CLEC16A: variants seen among roughly 807,000 people sequenced by gnomAD.
The protein encoded by CLEC16A is protein CLEC16A.
A neutral mutation model predicts 109.5 loss-of-function variants in CLEC16A; 51 were observed. The observed-to-expected ratio is 0.47, with a 90% CI of 0.37 to 0.59. The LOEUF is 0.59. CLEC16A is among the 20% of genes least tolerant of loss of function. The pLI is 0.00. For synonymous variants in CLEC16A, 673 were observed against 564.2 expected (o/e 1.19, Z -2.73); for missense variants, 1,339 against 1,394.0 (o/e 0.96, Z 0.63).
At chr16:11,013,519 C>A (rs951110697) in intron 11 of CLEC16A, among the ~76,000 whole-genome samples, 3 of 152,262 alleles carry the variant, frequency 2.0e-5, no homozygotes, top group Admixed American at 2.0e-4. Flanking sequence ...AATCCCAGAA[C>A]TTTGGGAGGC....
At chr16:10,979,292 C>G in intron 8 of CLEC16A, 37 bp from the exon 9 acceptor site, 1 of 1,578,620 alleles carries the variant, frequency 6.3e-7, no homozygotes, top group East Asian at 2.3e-5. Context: ...CTTGTGTGAC[C>G]TGATCTCTCT....
intron 19 of CLEC16A, among the ~76,000 whole-genome samples, chr16:11,104,816 C>T (rs1203412433): frequency 5.9e-5 from 9 of 152,116 alleles, no homozygotes; most frequent in Admixed American, 1.3e-4. Context: ...GCCCAGTACC[C>T]GACACACAGT....
chr16:10,984,830 C>T (rs1050052927), intron 10 of CLEC16A, among the ~76,000 whole-genome samples: 2 of 152,312 alleles, frequency 1.3e-5, no homozygotes, highest in East Asian at 1.9e-4. Context: ...CACCTGGTCT[C>T]GGGCAGGTTG....
intron 22 of CLEC16A, among the ~76,000 whole-genome samples, chr16:11,138,263 C>T (rs2053662345): frequency 1.3e-5 from 2 of 152,198 alleles, no homozygotes; most frequent in South Asian, 4.1e-4. Context: ...GTGAGCAAGT[C>T]TTGCCAGCTA....
intron 22 of CLEC16A, among the ~76,000 whole-genome samples, chr16:11,135,726 G>A (rs2053520465): frequency 6.6e-6 from 1 of 152,230 alleles, no homozygotes; most frequent in Non-Finnish European, 1.5e-5. Flanking sequence ...CATTTGACCT[G>A]GGCCATGCCT....
At chr16:10,997,260 C>T (rs1317753569) in intron 10 of CLEC16A, among the ~76,000 whole-genome samples, 1 of 152,222 alleles carries the variant, frequency 6.6e-6, no homozygotes, top group Non-Finnish European at 1.5e-5. Context: ...CTGCGCCCAG[C>T]CTGGGAAAGT....
intron 18 of CLEC16A, among the ~76,000 whole-genome samples, chr16:11,052,178 C>T (rs757665580): frequency 1.3e-5 from 2 of 152,042 alleles, no homozygotes; most frequent in Admixed American, 1.3e-4. Flanking sequence ...CCTTTTTTTC[C>T]GAAGCAGGTA....
At chr16:11,087,993 G>A (rs1018835247) in intron 19 of CLEC16A, among the ~76,000 whole-genome samples, 3 of 152,246 alleles carry the variant, frequency 2.0e-5, no homozygotes, top group Admixed American at 2.0e-4. Context: ...TGAAGCCTCT[G>A]CAGCCTGAGA....
intron 12 of CLEC16A, 70 bp from the exon 13 acceptor site, chr16:11,024,751 G>A: frequency 8.3e-7 from 1 of 1,199,982 alleles, no homozygotes. Flanking sequence ...CACCCCATGT[G>A]CAGGTTAGAG....
chr16:10,997,960 ATGTT>A (rs1227416479), intron 10 of CLEC16A, among the ~76,000 whole-genome samples: 1 of 152,164 alleles, frequency 6.6e-6, no homozygotes, highest in South Asian at 2.1e-4. Flanking sequence ...CTGGTGGAAC[ATGTT>A]TGTTTGACAT....
At position 11,043,070 on chromosome 16, in the gene CLEC16A, GTA is replaced by G. The variant is rs1167295742; in HGVS notation, c.1770+716_1770+717del. 2.6e-3 allele frequency among the ~76,000 whole-genome samples: 349 copies of G among 132,842 alleles called. 1 individual carries two copies. The highest frequency in any genetic ancestry group is 0.012 in the African/African-American group (323 of 27,176). 87.1% of individuals were successfully genotyped at this position (132,842 alleles called of 152,430 possible). Reference sequence around the variant, plus strand: ...TTTATAAGTGTGTATATATGTTTGTGTATATATATACACACACACACACACAT... The same window carrying G: ...TTTATAAGTGTGTATATATGTTTGTGTATATATACACACACACACACACAT... On this transcript the variant is annotated intron_variant, in intron 15 of 23. Transcript: ENST00000409790.
intron 1 of CLEC16A, among the ~76,000 whole-genome samples, chr16:10,945,902 G>A (rs1036780388): frequency 1.3e-5 from 2 of 152,058 alleles, no homozygotes; most frequent in Non-Finnish European, 2.9e-5. Flanking sequence ...GGCACTTCAC[G>A]AGGGCACAGA....
Position 11,061,041 on chromosome 16 carries a change from G to T in CLEC16A, c.2116+19G>T. On this transcript the variant is annotated intron_variant, in intron 19 of 23. Coordinates refer to ENST00000409790, the MANE Select transcript of CLEC16A (RefSeq NM_015226.3). ...GATCTGAGTGAGTTGGCTGCTCTGAGTCACAGCAGGGGGCTGGGGGACATG... is the reference window on the plus strand; with the variant it reads ...GATCTGAGTGAGTTGGCTGCTCTGATTCACAGCAGGGGGCTGGGGGACATG... 6.3e-7 allele frequency: 1 copy of T among 1,593,984 alleles called. No homozygotes were observed.
In CLEC16A at chr16:10,957,783, T is replaced by C; in HGVS notation, c.82T>C (p.Tyr28His). The C allele has an allele frequency of 6.2e-7, 1 of 1,613,930 alleles. No individual in the cohort carries two copies. ...RNIHSLDHLK[Y>H]LYHVLTKNTT... ...TTCCTTTTCTCTCATTTCTCTCAGG[T>C]ATCTGTACCACGTTTTGACCAAAAA... The change falls in exon 2 of 24, where the codon TAT (tyrosine) becomes CAT (histidine). Residue 28 changes from tyrosine (Y) to histidine (H), a missense_variant and splice_region_variant. Tyr to His is a moderately conservative substitution (Grantham distance 83). Around this residue, in one of 3 missense-constraint regions of CLEC16A, gnomAD observed 117 missense variants for 120.2 expected, o/e 0.97. Transcript: ENST00000409790.
intron 10 of CLEC16A, among the ~76,000 whole-genome samples, chr16:11,000,292 C>T (rs2044593024): frequency 6.6e-6 from 1 of 152,222 alleles, no homozygotes; most frequent in South Asian, 2.1e-4. Flanking sequence ...CTTTATTTCA[C>T]TTCGTCAGTT....
intron 3 of CLEC16A, among the ~76,000 whole-genome samples, chr16:10,963,671 C>T (rs374262128): frequency 9.8e-5 from 15 of 152,314 alleles, no homozygotes; most frequent in East Asian, 1.9e-4. Flanking sequence ...TTTCGTCATC[C>T]GTAATAACCA....
At chr16:11,039,114 C>T (rs1490132774) in intron 13 of CLEC16A, among the ~76,000 whole-genome samples, 2 of 152,138 alleles carry the variant, frequency 1.3e-5, no homozygotes, top group African/African-American at 2.4e-5. Flanking sequence ...AGACCTGGCA[C>T]ACAGTGGCAG....
At chr16:10,970,519 A>C (rs922983105) in intron 4 of CLEC16A, among the ~76,000 whole-genome samples, 1 of 152,234 alleles carries the variant, frequency 6.6e-6, no homozygotes, top group Non-Finnish European at 1.5e-5. Flanking sequence ...GAAGTGGTAG[A>C]ATGGGTAATG....
chr16:10,947,606 C>CT (rs2041459337), intron 1 of CLEC16A, among the ~76,000 whole-genome samples: 1 of 152,150 alleles, frequency 6.6e-6, no homozygotes, highest in Non-Finnish European at 1.5e-5. Flanking sequence ...GGAAACAAGG[C>CT]TGGAAGTAGG....
Sources: allele counts gnomAD v4.1 joint callset (sites outside exome capture counted in the v4.1 genomes callset), GRCh38; gene constraint gnomAD v4.1.1; regional missense constraint gnomAD v4.1.1; transcripts MANE v1.5; gene names NCBI Gene and HGNC (gene_info 2026-07-23, HGNC 2026-07-21).